The following WRAP53 variants were observed in gnomAD, a reference collection of about 807,000 sequenced individuals.
The protein encoded by WRAP53 is WD repeat containing antisense to TP53.
In WRAP53, 28 loss-of-function variants were observed where a neutral mutation model predicts 56.6. That is an observed-to-expected ratio of 0.50 (90% CI 0.37 to 0.68). The LOEUF (loss-of-function observed/expected upper bound fraction) is 0.68. WRAP53 is among the 30% of genes least tolerant of loss of function. The pLI is 0.00. For missense variants in WRAP53, 671 were observed against 715.5 expected (o/e 0.94, Z 0.71); for synonymous variants, 283 against 283.4 (o/e 1.00, Z 0.01).
rs200960465 is a variant in WRAP53, at chr17:7,691,390, G to GTTTTTTTT, written c.642+1690_642+1691insTTTTTTTT. On this transcript the variant is annotated intron_variant, in intron 4 of 10. Transcript: ENST00000396463. ...GTTTATTTGGGAAGTCATGAGAGAGGTGTTTTTTTTTTTTTTTTGAGACGA... is the reference window on the plus strand; with the variant it reads ...GTTTATTTGGGAAGTCATGAGAGAGGTTTTTTTTTGTTTTTTTTTTTTTTTTGAGACGA... Among the ~76,000 whole-genome samples the GTTTTTTTT allele has an allele frequency of 1.4e-5, 2 of 140,146 alleles. 1 individual carries two copies. Among genetic ancestry groups the GTTTTTTTT allele is most frequent in the African/African-American group, 5.9e-5 (2 of 33,856 alleles). The allele number at this position is 140,146 out of a possible 152,430, so 91.9% of individuals were successfully genotyped here. A position where few individuals can be genotyped will look rare whatever the true frequency, so the allele number is the denominator to read the frequency against.
chr17:7,696,915 G>A (rs766320139), intron 4 of WRAP53, among the ~76,000 whole-genome samples: 1 of 152,172 alleles, frequency 6.6e-6, no homozygotes, highest in African/African-American at 2.4e-5. Context: ...TGGATATATG[G>A]GTTCAGAGTA....
intron 4 of WRAP53, among the ~76,000 whole-genome samples, chr17:7,699,478 A>T (rs866011617): frequency 0.03 from 221 of 7,250 alleles, 8 homozygotes; most frequent in African/African-American, 0.051. Context: ...ATATATATTT[A>T]TATATATATA....
upstream of WRAP53, chr17:7,687,698 A>G (rs2074032864): frequency 2.5e-6 from 1 of 397,886 alleles, no homozygotes; most frequent in Non-Finnish European, 4.4e-6. Flanking sequence ...CGTAGATACT[A>G]ACATTTTGGG....
At chr17:7,689,370 C>G (rs374862663) in intron 3 of WRAP53, 48 bp downstream of exon 3, 22 of 1,586,490 alleles carry the variant, frequency 1.4e-5, no homozygotes, top group Non-Finnish European at 1.9e-5. Context: ...GAGATTTTCA[C>G]TGTAAAACAG....
intron 4 of WRAP53, among the ~76,000 whole-genome samples, chr17:7,696,453 C>T (rs141223000): frequency 0.022 from 3,422 of 152,126 alleles, 126 homozygotes; most frequent in African/African-American, 0.076. Flanking sequence ...CGCCCGCCAC[C>T]ACGCCTGGCT....
chr17:7,700,202 C>T (rs1021219822), intron 4 of WRAP53, among the ~76,000 whole-genome samples: 1 of 152,050 alleles, frequency 6.6e-6, no homozygotes, highest in African/African-American at 2.4e-5. Flanking sequence ...GTGTCCACCA[C>T]CACGCCTGGC....
chr17:7,692,400 A>G (rs555450157), intron 4 of WRAP53, among the ~76,000 whole-genome samples: 1 of 151,474 alleles, frequency 6.6e-6, no homozygotes, highest in Non-Finnish European at 1.5e-5. Flanking sequence ...CAGGTGGATC[A>G]CCTGAGGTCA....
intron 4 of WRAP53, among the ~76,000 whole-genome samples, chr17:7,697,822 A>C (rs1236915883): frequency 2.6e-5 from 4 of 152,186 alleles, no homozygotes; most frequent in Admixed American, 2.6e-4. Context: ...TCAAATTGAG[A>C]AAAATGTAAA....
At chr17:7,696,019 A>G (rs1357729379) in intron 4 of WRAP53, among the ~76,000 whole-genome samples, 2 of 152,112 alleles carry the variant, frequency 1.3e-5, no homozygotes, top group Admixed American at 6.6e-5. Flanking sequence ...TCTGATAGGT[A>G]TGACGGAAGG....
chr17:7,687,056 T>C (rs181067279), upstream of WRAP53: 5 of 358,368 alleles, frequency 1.4e-5, no homozygotes, highest in African/African-American at 1.0e-4. Context: ...ATTTCAGGGA[T>C]TCCCTACGCC....
At chr17:7,700,073 C>T (rs1329769786) in intron 4 of WRAP53, among the ~76,000 whole-genome samples, 10 of 149,724 alleles carry the variant, frequency 6.7e-5, no homozygotes, top group Non-Finnish European at 1.5e-5. Context: ...TTTTGGGGGG[C>T]ACTGTCTCTC....
chr17:7,690,757 C>T (rs569399197), intron 4 of WRAP53, among the ~76,000 whole-genome samples: 18 of 150,264 alleles, frequency 1.2e-4, no homozygotes, highest in Admixed American at 8.0e-4. Flanking sequence ...ACTAAAAATA[C>T]CAAAATTAGA....
chr17:7,699,470 A>G (rs1326520718), intron 4 of WRAP53, among the ~76,000 whole-genome samples: 1 of 13,508 alleles, frequency 7.4e-5, no homozygotes, highest in Non-Finnish European at 1.2e-4. Flanking sequence ...ATATATATAT[A>G]TATATTTATA....
chr17:7,689,513 C>G (rs2074079863), intron 3 of WRAP53, 77 bp from the exon 4 acceptor site: 2 of 1,445,488 alleles, frequency 1.4e-6, no homozygotes, highest in African/African-American at 2.8e-5. Flanking sequence ...TTACCTACCC[C>G]AGAGGCAGGC....
intron 10 of WRAP53, 45 bp downstream of exon 10, chr17:7,703,172 G>A: frequency 6.2e-7 from 1 of 1,613,688 alleles, no homozygotes; most frequent in Non-Finnish European, 8.5e-7. Context: ...GGTTGGGGAG[G>A]GAGGTGAATC....
At position 7,699,461 on chromosome 17, in the gene WRAP53, TATATATATATATATTTATATA is replaced by T. The variant is rs2074232384; in HGVS notation, c.643-1279_643-1259del. On this transcript the variant is annotated intron_variant, in intron 4 of 10. Coordinates refer to ENST00000396463, the MANE Select transcript of WRAP53 (RefSeq NM_001143992.2). ...AAATTTATATATATATATATATTTATATATATATATATATTTATATATATATATATATATATATATTTATAT... is the reference window on the plus strand; with the variant it reads ...AAATTTATATATATATATATATTTATTATATATATATATATATATTTATAT... 1.4e-4 allele frequency among the ~76,000 whole-genome samples: 2 copies of T among 14,536 alleles called. 1 individual carries two copies. The highest frequency in any genetic ancestry group is 1.9e-4 in the Non-Finnish European group (2 of 10,398). The allele number at this position is 14,536 out of a possible 152,430, so 9.5% of individuals were successfully genotyped here. A position where few individuals can be genotyped will look rare whatever the true frequency, so the allele number is the denominator to read the frequency against.
At chr17:7,697,320 CAAA>C (rs71159522) in intron 4 of WRAP53, among the ~76,000 whole-genome samples, 2 of 95,012 alleles carry the variant, frequency 2.1e-5, no homozygotes, top group Non-Finnish European at 2.3e-5. Context: ...ACTCTGCCTC[CAAA>C]AAAAAAAAAA....
chr17:7,703,189 G>C, intron 10 of WRAP53, 54 bp from the exon 11 acceptor site: 1 of 1,613,386 alleles, frequency 6.2e-7, no homozygotes, highest in Non-Finnish European at 8.5e-7. Context: ...AATCCCAGAG[G>C]GAGCAAGTGT....
rs1429054864 is a variant in WRAP53 at position 7,701,051 on chromosome 17, C to T, written c.731+222C>T. Among the ~76,000 whole-genome samples the T allele has an allele frequency of 6.6e-6, 1 of 151,982 alleles. No homozygotes were observed. The highest frequency in any genetic ancestry group is 2.4e-5 in the African/African-American group (1 of 41,392). On this transcript the variant is annotated intron_variant, in intron 5 of 10. Transcript: ENST00000396463. The surrounding 1 kb of genome is among the most constrained non-coding windows in gnomAD (Gnocchi z 4.2). ...GCGGTGATGCAGTCTCAGCTCACTG[C>T]AACCTCCGCCTCCCAGGTTGAAGTG...
Sources: gnomAD v4.1 joint callset for allele counts (sites outside exome capture counted in the v4.1 genomes callset) on GRCh38, gnomAD v4.1.1 for gene constraint, Gnocchi (gnomAD v3.1) non-coding constraint, MANE v1.5 for transcripts, NCBI Gene and HGNC (gene_info 2026-07-23, HGNC 2026-07-21) for gene names.